FAM171A1: variants seen among roughly 807,000 people sequenced by gnomAD.
The protein encoded by FAM171A1 is protein FAM171A1.
Under a neutral mutation model 74.9 loss-of-function variants are expected in FAM171A1, and 23 were observed. That is an observed-to-expected ratio of 0.31 (90% CI 0.22 to 0.44). The LOEUF (loss-of-function observed/expected upper bound fraction) is 0.44. Ranked by LOEUF, FAM171A1 falls within the 20% of genes least tolerant of loss-of-function variation. The pLI is 1.00. For missense variants in FAM171A1, 1,162 were observed against 1,159.2 expected (o/e 1.00, Z -0.03); for synonymous variants, 527 against 505.7 (o/e 1.04, Z -0.57).
chr10:15,365,779 A>AAGAG (rs1554758348), intron 1 of FAM171A1, among the ~76,000 whole-genome samples: 2 of 151,254 alleles, frequency 1.3e-5, no homozygotes, highest in African/African-American at 4.9e-5. Context: ...AAAAAAAAAA[A>AAGAG]AGAGAGAGAA....
chr10:15,214,913 A>T (rs1260804725), intron 7 of FAM171A1, among the ~76,000 whole-genome samples: 1 of 152,050 alleles, frequency 6.6e-6, no homozygotes, highest in African/African-American at 2.4e-5. Context: ...GGCACATGCC[A>T]CCATGCCCAG....
intron 1 of FAM171A1, among the ~76,000 whole-genome samples, chr10:15,336,091 C>A (rs182624686): frequency 6.6e-6 from 1 of 151,960 alleles, no homozygotes; most frequent in East Asian, 1.9e-4. Flanking sequence ...GATTTATACA[C>A]AAGTCAACAA....
At chr10:15,303,783 A>G (rs1251619716) in intron 1 of FAM171A1, among the ~76,000 whole-genome samples, 1 of 152,246 alleles carries the variant, frequency 6.6e-6, no homozygotes, top group Non-Finnish European at 1.5e-5. Context: ...GGCTCAGACC[A>G]AGAACTGAAG....
chr10:15,279,368 C>T (rs769849542), intron 2 of FAM171A1, among the ~76,000 whole-genome samples: 60 of 152,132 alleles, frequency 3.9e-4, no homozygotes, highest in Admixed American at 1.9e-3. Flanking sequence ...AGGGACTTCC[C>T]GGGGCAGAGG....
intron 3 of FAM171A1, among the ~76,000 whole-genome samples, chr10:15,266,866 CAA>C (rs1156974565): frequency 0.021 from 1,175 of 55,212 alleles, 12 homozygotes; most frequent in African/African-American, 0.073. Context: ...GAGACTGTTT[CAA>C]AAAAAAAAAA....
Position 15,327,498 on chromosome 10 carries a change from G to T in FAM171A1, c.98-43393C>A, listed in dbSNP as rs1405052123. The stretch of plus-strand genomic sequence containing the variant: ...AACCCCATCTCTACAAAAAAACATA[G>T]AAATTAGCTGGGCGTGCTAGCACGT... On this transcript the variant is annotated intron_variant, in intron 1 of 7. Coordinates refer to ENST00000378116, the MANE Select transcript of FAM171A1 (RefSeq NM_001010924.2). Among the ~76,000 whole-genome samples, 3 of 152,026 alleles carry T rather than the reference G, an allele frequency of 2.0e-5. No homozygotes were observed. In the East Asian group the frequency reaches 5.8e-4, roughly 29 times the overall value.
At chr10:15,321,745 A>G (rs1280979327) in intron 1 of FAM171A1, among the ~76,000 whole-genome samples, 2 of 152,232 alleles carry the variant, frequency 1.3e-5, no homozygotes, top group African/African-American at 4.8e-5. Context: ...GCATTAAGTC[A>G]AAAAGAAAGA....
At chr10:15,236,762 T>C (rs1834296270) in intron 5 of FAM171A1, among the ~76,000 whole-genome samples, 1 of 152,214 alleles carries the variant, frequency 6.6e-6, no homozygotes, top group African/African-American at 2.4e-5. Flanking sequence ...TCACCCAGGT[T>C]AATATTAGAA....
chr10:15,343,697 C>A (rs1238083841), intron 1 of FAM171A1, among the ~76,000 whole-genome samples: 1 of 152,150 alleles, frequency 6.6e-6, no homozygotes, highest in African/African-American at 2.4e-5. Flanking sequence ...ACTGCACAGG[C>A]CGGTGGTCAG....
intron 5 of FAM171A1, among the ~76,000 whole-genome samples, chr10:15,237,961 A>C (rs12245932): frequency 2.0e-5 from 3 of 152,108 alleles, no homozygotes; most frequent in Non-Finnish European, 4.4e-5. Context: ...GGATATGTTG[A>C]TATTACCTTA....
chr10:15,233,903 CAAAA>C (rs915508767), intron 5 of FAM171A1, among the ~76,000 whole-genome samples: 1 of 129,162 alleles, frequency 7.7e-6, no homozygotes. Flanking sequence ...TCCGTCTCAC[CAAAA>C]AAAAAAAAGA....
intron 5 of FAM171A1, among the ~76,000 whole-genome samples, chr10:15,244,245 C>T (rs1834402049): frequency 6.6e-6 from 1 of 152,176 alleles, no homozygotes; most frequent in Non-Finnish European, 1.5e-5. Flanking sequence ...ATCCCAGCTA[C>T]TTGGGAGGCT....
intron 1 of FAM171A1, among the ~76,000 whole-genome samples, chr10:15,353,794 T>TA (rs1835903999): frequency 6.6e-6 from 1 of 151,238 alleles, no homozygotes; most frequent in Non-Finnish European, 1.5e-5. Flanking sequence ...AGAAACACAG[T>TA]AAAAGTCAGG....
upstream of FAM171A1, among the ~76,000 whole-genome samples, chr10:15,374,502 A>T (rs1292839207): frequency 6.6e-6 from 1 of 152,212 alleles, no homozygotes; most frequent in East Asian, 1.9e-4. Context: ...AAAAAATATG[A>T]TTTACCTTTT....
chr10:15,365,915 C>A (rs1042613476), intron 1 of FAM171A1, among the ~76,000 whole-genome samples: 3 of 152,126 alleles, frequency 2.0e-5, no homozygotes, highest in African/African-American at 7.2e-5. Flanking sequence ...CTTACATATG[C>A]TGACTCAGCT....
chr10:15,233,553 T>TGTGC lies in FAM171A1; in HGVS notation c.755-12497_755-12494dup, dbSNP rs1834238134. Among the ~76,000 whole-genome samples, 4 of 151,288 alleles carry TGTGC rather than the reference T, an allele frequency of 2.6e-5. No homozygotes were observed. The South Asian group carries it at 6.3e-4, about 24-fold the overall frequency. ...GTGTGTGTGTGTGTGTGTGTGTGTG[T>TGTGC]GTGCATGTGTGTGCGTAAAAATAAT... On this transcript the variant is annotated intron_variant, in intron 5 of 7. Transcript: ENST00000378116.
intron 1 of FAM171A1, among the ~76,000 whole-genome samples, chr10:15,305,021 G>A (rs183017808): frequency 6.6e-6 from 1 of 152,310 alleles, no homozygotes; most frequent in African/African-American, 2.4e-5. Context: ...ACAGGCATGA[G>A]CCACAGCACC....
At chr10:15,347,240 T>C (rs1290330140) in intron 1 of FAM171A1, among the ~76,000 whole-genome samples, 1 of 152,198 alleles carries the variant, frequency 6.6e-6, no homozygotes, top group African/African-American at 2.4e-5. Context: ...GTGCAAGCTT[T>C]ATAGTTGATA....
Position 15,213,088 on chromosome 10 carries a change from C to T in FAM171A1, c.2500G>A (p.Glu834Lys). Residue 834 changes from glutamate (E) to lysine (K), a missense_variant, in exon 8 of 8, where the codon GAG (glutamate) becomes AAG (lysine). Transcript: ENST00000378116. This position sits in a 1 kb window ranked among gnomAD's most constrained non-coding sequence, Gnocchi z 6.8. ...SGGQLPSLQE[E>K]TTRRTADAPS... ...GCATCCGCAGTCCGTCTGGTCGTCT[C>T]CTCCTGCAGGCTGGGCAGCTGGCCA... 6.2e-7 allele frequency: 1 copy of T among 1,613,708 alleles called. No individual in the cohort carries two copies. Among genetic ancestry groups the T allele is most frequent in the Non-Finnish European group, 8.5e-7 (1 of 1,179,824 alleles).
Sources: gnomAD v4.1 joint callset for allele counts (sites outside exome capture counted in the v4.1 genomes callset) on GRCh38, gnomAD v4.1.1 for gene constraint, Gnocchi (gnomAD v3.1) non-coding constraint, MANE v1.5 for transcripts, NCBI Gene and HGNC (gene_info 2026-07-23, HGNC 2026-07-21) for gene names.